Variants in HIP1 observed in about 807,000 individuals in gnomAD.
HIP1 encodes huntingtin interacting protein 1.
Under a neutral mutation model 147.6 loss-of-function variants are expected in HIP1, and 65 were observed. The observed-to-expected ratio is 0.44, with a 90% CI of 0.36 to 0.54. The LOEUF is 0.54. HIP1 is among the 20% of genes least tolerant of loss of function. The pLI is 0.00. For synonymous variants in HIP1, 479 were observed against 504.0 expected, an observed-to-expected ratio of 0.95 and a Z score of 0.67; for missense variants, 1,061 against 1,299.6, an observed-to-expected ratio of 0.82 and a Z score of 2.82.
intron 1 of HIP1, among the ~76,000 whole-genome samples, chr7:75,627,907 G>A (rs1798098393): frequency 6.6e-6 from 1 of 152,182 alleles, no homozygotes; most frequent in Admixed American, 6.6e-5. Flanking sequence ...TCTCAGCAAT[G>A]AGCCATGAGC....
intron 1 of HIP1, among the ~76,000 whole-genome samples, chr7:75,729,774 G>A (rs1008812521): frequency 6.8e-6 from 1 of 147,556 alleles, no homozygotes; most frequent in African/African-American, 2.6e-5. Flanking sequence ...TGACAAGAAC[G>A]ATACTCTGTC....
chr7:75,548,028 G>A (rs1395755190), intron 23 of HIP1, among the ~76,000 whole-genome samples: 8 of 151,840 alleles, frequency 5.3e-5, no homozygotes, highest in African/African-American at 1.5e-4. Flanking sequence ...TCTGTGATCC[G>A]TGTCATTTTG....
chr7:75,729,123 A>G (rs1470601363), intron 1 of HIP1, among the ~76,000 whole-genome samples: 1 of 150,796 alleles, frequency 6.6e-6, no homozygotes, highest in African/African-American at 2.4e-5. Flanking sequence ...AAAAAAAACC[A>G]AAATTCTAAC....
intron 2 of HIP1, among the ~76,000 whole-genome samples, chr7:75,593,805 A>G (rs919955320): frequency 6.6e-6 from 1 of 151,830 alleles, no homozygotes; most frequent in Non-Finnish European, 1.5e-5. Flanking sequence ...TTTGTTTAAA[A>G]TGCCCTTTCT....
At chr7:75,705,913 A>C (rs888191829) in intron 1 of HIP1, among the ~76,000 whole-genome samples, 4 of 151,812 alleles carry the variant, frequency 2.6e-5, no homozygotes, top group African/African-American at 7.3e-5. Context: ...TTTTTTTGAG[A>C]CGGAATCTTC....
chr7:75,637,999 CACACAT>C (rs1563261836), intron 1 of HIP1, among the ~76,000 whole-genome samples: 2 of 73,136 alleles, frequency 2.7e-5, no homozygotes, highest in African/African-American at 7.8e-5. Flanking sequence ...CCCCCACACA[CACACAT>C]ACACACACAC....
Position 75,558,290 on chromosome 7 carries a change from C to G in HIP1, c.1376-35G>C, listed in dbSNP as rs370932332. 140 of 1,519,900 alleles carry G rather than the reference C, an allele frequency of 9.2e-5. 1 individual carries two copies. In the Middle Eastern group the frequency reaches 1.7e-3, roughly 19 times the overall value. 94.2% of individuals were successfully genotyped at this position (1,519,900 alleles called of 1,614,324 possible). A position where few individuals can be genotyped will look rare whatever the true frequency, so the allele number is the denominator to read the frequency against. On this transcript the variant is annotated intron_variant, in intron 14 of 30. Transcript: ENST00000336926. The stretch of plus-strand genomic sequence containing the variant: ...AAAGGACCAAGGTGAGGAGTCTAAC[C>G]TAGCAGGGACCCTTGCCTTCCTTGC...
At chr7:75,627,676 G>A (rs1246846899) in intron 1 of HIP1, among the ~76,000 whole-genome samples, 1 of 152,198 alleles carries the variant, frequency 6.6e-6, no homozygotes, top group African/African-American at 2.4e-5. Flanking sequence ...CATGGCCAGA[G>A]AACTGCCCAT....
chr7:75,543,160 T>C (rs1315037148), intron 27 of HIP1, among the ~76,000 whole-genome samples, 186 bp from the exon 28 acceptor site: 1 of 152,170 alleles, frequency 6.6e-6, no homozygotes, highest in Non-Finnish European at 1.5e-5. Flanking sequence ...TATTCCTGGC[T>C]TCTTTGCTTG....
At chr7:75,602,303 CTTTTTTT>C (rs67019261) in intron 1 of HIP1, among the ~76,000 whole-genome samples, 37 of 77,270 alleles carry the variant, frequency 4.8e-4, no homozygotes, top group African/African-American at 1.8e-3. Flanking sequence ...ACCTGGCCAG[CTTTTTTT>C]TTTTTTTTTT....
chr7:75,726,526 G>A (rs1801655995), intron 1 of HIP1, among the ~76,000 whole-genome samples: 2 of 151,672 alleles, frequency 1.3e-5, no homozygotes, highest in Non-Finnish European at 1.5e-5. Flanking sequence ...CTCGCGATCC[G>A]CTCACCTTGG....
intron 1 of HIP1, among the ~76,000 whole-genome samples, chr7:75,693,154 A>G (rs1319074901): frequency 2.6e-5 from 4 of 151,540 alleles, no homozygotes; most frequent in Non-Finnish European, 1.5e-5. Context: ...AACAGAGCGA[A>G]ACCCTGTCTC....
At chr7:75,705,970 C>A (rs1554519667) in intron 1 of HIP1, among the ~76,000 whole-genome samples, 1 of 152,058 alleles carries the variant, frequency 6.6e-6, no homozygotes, top group East Asian at 1.9e-4. Flanking sequence ...TGGCTCACTG[C>A]AACCTCGGCC....
chr7:75,719,973 T>G (rs924389602), intron 1 of HIP1, among the ~76,000 whole-genome samples: 7 of 152,092 alleles, frequency 4.6e-5, no homozygotes, highest in Non-Finnish European at 8.8e-5. Context: ...CTCGGCTTCC[T>G]CTAGGAAACT....
chr7:75,553,623 G>T (rs1055934168), intron 21 of HIP1, 34 bp from the exon 22 acceptor site: 3 of 1,595,112 alleles, frequency 1.9e-6, no homozygotes, highest in East Asian at 2.3e-5. Flanking sequence ...CTTTTTTTTT[G>T]AGATGGAGTC....
chr7:75,592,257 A>T, intron 3 of HIP1, 115 bp downstream of exon 3: 5 of 1,445,344 alleles, frequency 3.5e-6, no homozygotes, highest in African/African-American at 1.4e-5. Context: ...TGGGGAACCC[A>T]AAGGCCAGGA....
chr7:75,542,188 G>C (rs1459358829), intron 28 of HIP1, among the ~76,000 whole-genome samples: 1 of 152,060 alleles, frequency 6.6e-6, no homozygotes, highest in Non-Finnish European at 1.5e-5. Context: ...ATGAGGTCAG[G>C]AGTTTGAGAC....
At chr7:75,624,138 G>T (rs1472229208) in intron 1 of HIP1, among the ~76,000 whole-genome samples, 2 of 152,186 alleles carry the variant, frequency 1.3e-5, no homozygotes, top group African/African-American at 4.8e-5. Flanking sequence ...CAGAACCAAA[G>T]AAAAGAGATG....
chr7:75,590,237 T>C (rs1796455078), intron 4 of HIP1, among the ~76,000 whole-genome samples: 1 of 152,184 alleles, frequency 6.6e-6, no homozygotes, highest in African/African-American at 2.4e-5. Flanking sequence ...TACATGGTTA[T>C]GCTAACAGAT....
Sources: allele counts gnomAD v4.1 joint callset (sites outside exome capture counted in the v4.1 genomes callset), GRCh38; gene constraint gnomAD v4.1.1; transcripts MANE v1.5; gene names NCBI Gene and HGNC (gene_info 2026-07-23, HGNC 2026-07-21).